Variants in GUCY1A2 observed in about 807,000 individuals in gnomAD.
GUCY1A2 encodes guanylate cyclase soluble subunit alpha-2.
A neutral mutation model predicts 63.5 loss-of-function variants in GUCY1A2; 27 were observed. The observed-to-expected ratio is 0.43, with a 90% CI of 0.31 to 0.59. The LOEUF is 0.59. Ranked by LOEUF, GUCY1A2 falls within the 20% of genes least tolerant of loss-of-function variation. The probability of loss-of-function intolerance (pLI) is 0.11; values close to 1 mark genes in which losing one functional copy is unlikely to be tolerated. For missense variants in GUCY1A2, 768 were observed against 913.3 expected, an observed-to-expected ratio of 0.84 and a Z score of 2.05; for synonymous variants, 364 against 343.5, an observed-to-expected ratio of 1.06 and a Z score of -0.66.
At chr11:106,913,417 G>A (rs1393082105) in intron 4 of GUCY1A2, among the ~76,000 whole-genome samples, 1 of 151,986 alleles carries the variant, frequency 6.6e-6, no homozygotes, top group Admixed American at 6.6e-5. Flanking sequence ...ACAGAGAGGG[G>A]GAAGATGCCT....
chr11:106,848,412 T>C (rs1264885035), intron 4 of GUCY1A2, among the ~76,000 whole-genome samples: 2 of 151,596 alleles, frequency 1.3e-5, no homozygotes, highest in African/African-American at 2.4e-5. Context: ...TATACCAACA[T>C]TTGATTGGAT....
At chr11:106,930,184 T>C (rs1420595901) in intron 4 of GUCY1A2, among the ~76,000 whole-genome samples, 2 of 152,210 alleles carry the variant, frequency 1.3e-5, no homozygotes, top group African/African-American at 4.8e-5. Flanking sequence ...ATGTGGTAGT[T>C]ATTTTAAAAA....
intron 6 of GUCY1A2, among the ~76,000 whole-genome samples, chr11:106,710,618 A>T (rs1863100107): frequency 6.6e-6 from 1 of 151,688 alleles, no homozygotes. Context: ...GAGTAAATTA[A>T]GTGCTGTGTA....
intron 1 of GUCY1A2, among the ~76,000 whole-genome samples, chr11:107,013,267 G>C (rs2120216515): frequency 6.6e-6 from 1 of 152,154 alleles, no homozygotes; most frequent in South Asian, 2.1e-4. Flanking sequence ...AATGTTCTCT[G>C]TCAAGAAACC....
At chr11:106,793,987 A>C (rs989803992) in intron 5 of GUCY1A2, among the ~76,000 whole-genome samples, 18 of 152,168 alleles carry the variant, frequency 1.2e-4, no homozygotes, top group African/African-American at 4.1e-4. Flanking sequence ...CAGCAACTCC[A>C]CTTCTGGATA....
chr11:106,815,955 T>C (rs756995310), intron 4 of GUCY1A2, among the ~76,000 whole-genome samples: 16 of 151,930 alleles, frequency 1.1e-4, no homozygotes, highest in Non-Finnish European at 1.9e-4. Context: ...GATAGCATGG[T>C]CCTTTTGACA....
At chr11:106,884,804 A>G (rs1859876780) in intron 4 of GUCY1A2, among the ~76,000 whole-genome samples, 1 of 152,130 alleles carries the variant, frequency 6.6e-6, no homozygotes, top group Non-Finnish European at 1.5e-5. Context: ...TTCATATCAG[A>G]GTACCTTGTT....
chr11:106,842,163 T>A (rs1170553011), intron 4 of GUCY1A2, among the ~76,000 whole-genome samples: 1 of 151,886 alleles, frequency 6.6e-6, no homozygotes, highest in East Asian at 1.9e-4. Context: ...AGGCAAGAGA[T>A]CCCACAGTGG....
intron 2 of GUCY1A2, among the ~76,000 whole-genome samples, chr11:106,980,204 G>A (rs1384600512): frequency 2.6e-5 from 4 of 152,204 alleles, no homozygotes; most frequent in Non-Finnish European, 1.5e-5. Flanking sequence ...AATTTCCCAT[G>A]GGTTAGGGAA....
chr11:106,991,164 T>C (rs960303772), intron 1 of GUCY1A2, among the ~76,000 whole-genome samples: 2 of 150,786 alleles, frequency 1.3e-5, no homozygotes, highest in Admixed American at 1.3e-4. Flanking sequence ...TTTTTTTTTT[T>C]CTTTTTTTGT....
chr11:106,991,538 C>T (rs1441356941), intron 1 of GUCY1A2, among the ~76,000 whole-genome samples: 2 of 152,140 alleles, frequency 1.3e-5, no homozygotes, highest in African/African-American at 4.8e-5. Context: ...TGAAACCTTT[C>T]ACTTAAGATA....
chr11:106,702,459 T>TTATGCAGTGAGAGGACTGCA (rs1555020681), intron 7 of GUCY1A2, among the ~76,000 whole-genome samples: 2 of 152,144 alleles, frequency 1.3e-5, no homozygotes, highest in African/African-American at 4.8e-5. Context: ...TGAGGGCAGG[T>TTATGCAGTGAGAGGACTGCA]TATGCAGTGA....
chr11:106,739,832 C>T lies in GUCY1A2; in HGVS notation c.1837-31166G>A, dbSNP rs183105254. Among the ~76,000 whole-genome samples the T allele has an allele frequency of 7.9e-4, 120 of 152,088 alleles. 1 individual carries two copies. Among genetic ancestry groups the T allele is most frequent in the Middle Eastern group, 3.4e-3 (1 of 294 alleles). On this transcript the variant is annotated intron_variant, in intron 6 of 7. Coordinates refer to ENST00000526355, the MANE Select transcript of GUCY1A2 (RefSeq NM_000855.3). ...ATTGGGAAGTGTTACTCTTGTGTTT[C>T]CCCTCCCTCCTGGAGTTAAGCATGG...
At chr11:106,905,853 G>A (rs1372037236) in intron 4 of GUCY1A2, among the ~76,000 whole-genome samples, 1 of 152,056 alleles carries the variant, frequency 6.6e-6, no homozygotes, top group Non-Finnish European at 1.5e-5. Flanking sequence ...CTGTGACAAG[G>A]TTTATCACTA....
chr11:106,862,588 T>C (rs1213449533), intron 4 of GUCY1A2, among the ~76,000 whole-genome samples: 1 of 152,050 alleles, frequency 6.6e-6, no homozygotes, highest in Admixed American at 6.6e-5. Flanking sequence ...TTGTGGGCAC[T>C]CTAAGGGAAT....
At chr11:106,760,129 G>T (rs1454270786) in intron 6 of GUCY1A2, among the ~76,000 whole-genome samples, 1 of 152,110 alleles carries the variant, frequency 6.6e-6, no homozygotes, top group East Asian at 1.9e-4. Flanking sequence ...TTGATCTCGG[G>T]ATTCTAGCCT....
chr11:106,811,363 A>C (rs1272996784), intron 4 of GUCY1A2, among the ~76,000 whole-genome samples: 1 of 152,020 alleles, frequency 6.6e-6, no homozygotes, highest in Non-Finnish European at 1.5e-5. Context: ...TACAACTATA[A>C]CTATTTGGAT....
intron 4 of GUCY1A2, among the ~76,000 whole-genome samples, chr11:106,844,768 TCTAA>T (rs1859248532): frequency 6.6e-6 from 1 of 151,692 alleles, no homozygotes; most frequent in South Asian, 2.1e-4. Context: ...GATGGGCCTG[TCTAA>T]CAGAATCAGA....
chr11:106,967,136 A>G (rs1861136297), intron 3 of GUCY1A2, among the ~76,000 whole-genome samples: 2 of 152,192 alleles, frequency 1.3e-5, no homozygotes, highest in African/African-American at 4.8e-5. Context: ...GGAGTAACTC[A>G]CAAGAGTCAG....
Sources: allele counts gnomAD v4.1 joint callset (sites outside exome capture counted in the v4.1 genomes callset), GRCh38; gene constraint gnomAD v4.1.1; transcripts MANE v1.5; gene names NCBI Gene and HGNC (gene_info 2026-07-23, HGNC 2026-07-21).